Variants in FAM168A observed in about 807,000 individuals in gnomAD.
FAM168A encodes the protein protein FAM168A.
A neutral mutation model predicts 28.5 loss-of-function variants in FAM168A; 3 were observed. That is an observed-to-expected ratio of 0.11 (90% CI 0.05 to 0.27). The LOEUF is 0.27. FAM168A is among the 10% of genes least tolerant of loss of function. The probability of loss-of-function intolerance (pLI) is 1.00; values close to 1 mark genes in which losing one functional copy is unlikely to be tolerated. For synonymous variants in FAM168A, 122 were observed against 124.2 expected (o/e 0.98, Z 0.12); for missense variants, 222 against 311.5 (o/e 0.71, Z 2.16).
intron 1 of FAM168A, among the ~76,000 whole-genome samples, chr11:73,588,616 C>T (rs1044291522): frequency 6.6e-6 from 1 of 152,094 alleles, no homozygotes; most frequent in African/African-American, 2.4e-5. Flanking sequence ...TACATGACCA[C>T]GTGAGCCCAG....
At chr11:73,484,517 G>T (rs61896590) in intron 1 of FAM168A, among the ~76,000 whole-genome samples, 44,439 of 137,006 alleles carry the variant, frequency 0.32, 7,228 homozygotes, top group African/African-American at 0.4. Flanking sequence ...GATATATATA[G>T]ATATATATAT....
intron 1 of FAM168A, among the ~76,000 whole-genome samples, chr11:73,579,656 C>T (rs1165447216): frequency 6.6e-6 from 1 of 152,192 alleles, no homozygotes. Flanking sequence ...CATAAATTAA[C>T]TTTTAACTGA....
intron 1 of FAM168A, among the ~76,000 whole-genome samples, chr11:73,532,894 T>G (rs991490897): frequency 6.6e-6 from 1 of 152,202 alleles, no homozygotes; most frequent in Admixed American, 6.5e-5. Context: ...TCATTTAATC[T>G]CTCTGAACTT....
chr11:73,567,021 C>A (rs556259756), intron 1 of FAM168A, among the ~76,000 whole-genome samples: 16 of 152,198 alleles, frequency 1.1e-4, no homozygotes, highest in Admixed American at 5.9e-4. Context: ...ATAGTTAAGT[C>A]CCAAGGATTG....
chr11:73,585,604 A>C (rs1312813535), intron 1 of FAM168A, among the ~76,000 whole-genome samples: 3 of 152,190 alleles, frequency 2.0e-5, no homozygotes, highest in Non-Finnish European at 4.4e-5. Context: ...GTAGTGGCTC[A>C]CGCCTGTAAC....
chr11:73,446,956 G>A (rs1179642296), intron 2 of FAM168A, among the ~76,000 whole-genome samples: 1 of 152,136 alleles, frequency 6.6e-6, no homozygotes, highest in Non-Finnish European at 1.5e-5. Flanking sequence ...ACAGCATAAA[G>A]ACCAGCCAAG....
chr11:73,413,914 A>T lies in FAM168A; in HGVS notation c.278-2378T>A, dbSNP rs543101009. Among the ~76,000 whole-genome samples the T allele has an allele frequency of 2.6e-5, 4 of 152,172 alleles. No individual in the cohort carries two copies. In the South Asian group the frequency reaches 8.3e-4, roughly 32 times the overall value. ...GACTACATCTCTAAAAAAAGAAAAA[A>T]ACTTAGCCAGGCATGGTGGCTGGTG... On this transcript the variant is annotated intron_variant, in intron 4 of 7. Transcript: ENST00000356467.
At chr11:73,591,134 ACT>A (rs1944376144) in intron 1 of FAM168A, among the ~76,000 whole-genome samples, 1 of 151,752 alleles carries the variant, frequency 6.6e-6, no homozygotes, top group Non-Finnish European at 1.5e-5. Flanking sequence ...ACAAAGCGAG[ACT>A]CTGTCTCAAA....
At chr11:73,544,955 T>A (rs1384478472) in intron 1 of FAM168A, among the ~76,000 whole-genome samples, 1 of 81,774 alleles carries the variant, frequency 1.2e-5, no homozygotes, top group South Asian at 2.7e-4. Flanking sequence ...ATATAATATA[T>A]TATATATAAT....
intron 1 of FAM168A, among the ~76,000 whole-genome samples, chr11:73,488,474 C>T (rs904535286): frequency 7.2e-5 from 11 of 152,118 alleles, no homozygotes; most frequent in African/African-American, 2.7e-4. Context: ...TCTATATTTG[C>T]CTCGTCCATC....
chr11:73,498,672 C>A (rs1854942434), intron 1 of FAM168A, among the ~76,000 whole-genome samples: 1 of 152,178 alleles, frequency 6.6e-6, no homozygotes, highest in Non-Finnish European at 1.5e-5. Context: ...CTGTGTTTTT[C>A]CCCTGCTGGA....
At chr11:73,429,939 G>C (rs1866954398) in intron 3 of FAM168A, among the ~76,000 whole-genome samples, 1 of 152,154 alleles carries the variant, frequency 6.6e-6, no homozygotes. Context: ...ATCTTAGAGA[G>C]GTGAGGTGAC....
intron 2 of FAM168A, among the ~76,000 whole-genome samples, chr11:73,457,019 A>G (rs1168698875): frequency 6.6e-6 from 1 of 152,256 alleles, no homozygotes; most frequent in Non-Finnish European, 1.5e-5. Context: ...CAAGGCATTT[A>G]CAAGAACAGA....
chr11:73,537,439 T>A (rs1228745779), intron 1 of FAM168A, among the ~76,000 whole-genome samples: 3 of 152,292 alleles, frequency 2.0e-5, no homozygotes, highest in East Asian at 1.9e-4. Context: ...CATGCGCCTA[T>A]AGTCCCAGCT....
chr11:73,481,750 G>C (rs544787036), intron 1 of FAM168A, among the ~76,000 whole-genome samples: 1 of 152,260 alleles, frequency 6.6e-6, no homozygotes, highest in South Asian at 2.1e-4. Context: ...AGCTGGAAGA[G>C]GTCTGTGGCA....
intron 1 of FAM168A, among the ~76,000 whole-genome samples, chr11:73,554,393 T>C (rs1590851348): frequency 6.6e-6 from 1 of 151,868 alleles, no homozygotes; most frequent in Admixed American, 6.6e-5. Flanking sequence ...AAAATGCTTA[T>C]GATATAATGT....
intron 1 of FAM168A, among the ~76,000 whole-genome samples, chr11:73,516,605 C>T (rs1326039690): frequency 6.6e-6 from 1 of 152,168 alleles, no homozygotes; most frequent in Admixed American, 6.5e-5. Context: ...AGAGTCCTTA[C>T]CTCCTTCTCT....
In FAM168A at chr11:73,575,657, G is replaced by T. The variant is rs578053766; in HGVS notation, c.-19+22266C>A. ...GGCTGAGGCAAGTGGATCACCTGAG[G>T]TCAGGAGTTTGAGACCAGCCTGGTC... On this transcript the variant is annotated intron_variant, in intron 1 of 7. Coordinates refer to ENST00000356467, the MANE Select transcript of FAM168A (RefSeq NM_015159.3). Among the ~76,000 whole-genome samples the T allele has an allele frequency of 2.0e-5, 3 of 152,190 alleles. No individual in the cohort carries two copies. In the East Asian group the frequency reaches 5.8e-4, roughly 29 times the overall value.
intron 1 of FAM168A, among the ~76,000 whole-genome samples, chr11:73,471,940 G>A (rs1867820135): frequency 6.6e-6 from 1 of 152,142 alleles, no homozygotes; most frequent in Admixed American, 6.5e-5. Flanking sequence ...AGGCAGCATA[G>A]CAGGAGGTGA....
Sources: allele counts gnomAD v4.1 joint callset (sites outside exome capture counted in the v4.1 genomes callset), GRCh38; gene constraint gnomAD v4.1.1; transcripts MANE v1.5; gene names NCBI Gene and HGNC (gene_info 2026-07-23, HGNC 2026-07-21).